RBFOX3: variants seen among roughly 807,000 people sequenced by gnomAD.
RBFOX3 encodes RNA binding fox-1 homolog 3.
Under a neutral mutation model 48.7 loss-of-function variants are expected in RBFOX3, and 17 were observed. That is an observed-to-expected ratio of 0.35 (90% CI 0.24 to 0.52). The LOEUF is 0.52. Among genes scored for constraint, RBFOX3 ranks in the 20% least tolerant of loss-of-function variants. RBFOX3 has a pLI of 0.94. For synonymous variants in RBFOX3, 212 were observed against 209.5 expected (o/e 1.01, Z -0.10); for missense variants, 382 against 497.5 (o/e 0.77, Z 2.21).
chr17:79,582,121 C>T (rs1267645794), intron 1 of RBFOX3, among the ~76,000 whole-genome samples: 7 of 126,362 alleles, frequency 5.5e-5, no homozygotes, highest in Admixed American at 8.4e-5. Flanking sequence ...TGTGCCTGTG[C>T]GTGCCTGTGT....
chr17:79,616,974 A>G, the RBFOX3 span, among the ~76,000 whole-genome samples: 1 of 152,016 alleles, frequency 6.6e-6, no homozygotes, highest in African/African-American at 2.4e-5. Context: ...GCTGGAAGAG[A>G]GGTGTTCGGC....
At chr17:79,430,231 A>C (rs2068165149) in intron 2 of RBFOX3, among the ~76,000 whole-genome samples, 1 of 152,080 alleles carries the variant, frequency 6.6e-6, no homozygotes, top group African/African-American at 2.4e-5. Context: ...AATAGCAAGA[A>C]AAATTCTTAG....
At chr17:79,518,751 G>A (rs1009704640) in intron 1 of RBFOX3, among the ~76,000 whole-genome samples, 1 of 152,384 alleles carries the variant, frequency 6.6e-6, no homozygotes, top group Non-Finnish European at 1.5e-5. Flanking sequence ...ACGGTGCAGA[G>A]TAGGGGTCAA....
chr17:79,415,689 T>A (rs1789747541), intron 2 of RBFOX3, among the ~76,000 whole-genome samples: 3 of 152,120 alleles, frequency 2.0e-5, no homozygotes, highest in Admixed American at 2.0e-4. Flanking sequence ...AGGGAGCAGG[T>A]CCTCGGAGGG....
intron 1 of RBFOX3, among the ~76,000 whole-genome samples, chr17:79,520,355 G>T (rs1315431190): frequency 1.3e-5 from 2 of 152,218 alleles, no homozygotes; most frequent in Non-Finnish European, 2.9e-5. Flanking sequence ...CATCTCCGGG[G>T]ACAGCAGTGA....
intron 2 of RBFOX3, among the ~76,000 whole-genome samples, chr17:79,411,133 C>A (rs1409976260): frequency 6.6e-6 from 1 of 152,210 alleles, no homozygotes; most frequent in East Asian, 1.9e-4. Flanking sequence ...CGGCACCAGG[C>A]GCTGTGCCGA....
At chr17:79,610,456 G>GCCACCA (rs1479793147) in intron 1 of RBFOX3, among the ~76,000 whole-genome samples, 1 of 151,724 alleles carries the variant, frequency 6.6e-6, no homozygotes, top group Admixed American at 6.5e-5. Context: ...CGCCGCCACA[G>GCCACCA]CCACCACCAC....
chr17:79,093,791 C>CACA (rs1555681687), intron 14 of RBFOX3, among the ~76,000 whole-genome samples: 9 of 143,822 alleles, frequency 6.3e-5, no homozygotes, highest in African/African-American at 1.0e-4. Flanking sequence ...CAACAGCTGG[C>CACA]CACACACACA....
chr17:79,366,297 A>C (rs1012471452), intron 2 of RBFOX3, among the ~76,000 whole-genome samples: 6 of 152,214 alleles, frequency 3.9e-5, no homozygotes, highest in Non-Finnish European at 2.9e-5. Flanking sequence ...TTTCTGTATA[A>C]AGAACAGCAG....
chr17:79,225,138 A>C (rs527659000), intron 4 of RBFOX3, among the ~76,000 whole-genome samples: 12 of 152,180 alleles, frequency 7.9e-5, no homozygotes, highest in Non-Finnish European at 1.3e-4. Flanking sequence ...TCTTCAGTGA[A>C]AGGTGACCAG....
At position 79,585,418 on chromosome 17, in the gene RBFOX3, A is replaced by G. The variant is rs1299574727; in HGVS notation, c.-320+25408T>C. ...TAAAAATACGAAAAATGAGCTGGGT[A>G]TGGTTGCAGGAGCCTGTAATCCCAG... On this transcript the variant is annotated intron_variant, in intron 1 of 14. Transcript: ENST00000693108. Among the ~76,000 whole-genome samples the G allele has an allele frequency of 3.3e-5, 5 of 151,938 alleles. No homozygotes were observed. In the South Asian group the frequency reaches 8.4e-4, roughly 25 times the overall value.
At chr17:79,131,988 C>T (rs758636905) in intron 4 of RBFOX3, among the ~76,000 whole-genome samples, 1 of 152,178 alleles carries the variant, frequency 6.6e-6, no homozygotes, top group Non-Finnish European at 1.5e-5. Flanking sequence ...AATGTGGCTC[C>T]ATAAATCCTC....
In RBFOX3 at chr17:79,094,534, G is replaced by A. The variant is rs934728752; in HGVS notation, c.999-5C>T. 8.5e-7 allele frequency: 1 copy of A among 1,174,514 alleles called. No homozygotes were observed. Among genetic ancestry groups the A allele is most frequent in the African/African-American group, 1.7e-5 (1 of 58,126 alleles). 72.8% of individuals were successfully genotyped at this position (1,174,514 alleles called of 1,614,324 possible). Reference sequence around the variant, plus strand: ...GCTGCGTAGACTCTGCCGTAACTAGGGAAGAGCGTGGGAGGGGGAGTGGGA... The same window carrying A: ...GCTGCGTAGACTCTGCCGTAACTAGAGAAGAGCGTGGGAGGGGGAGTGGGA... On this transcript the variant is annotated splice_polypyrimidine_tract_variant and splice_region_variant and intron_variant, in intron 13 of 14. Coordinates refer to ENST00000693108, the MANE Select transcript of RBFOX3 (RefSeq NM_001350451.2).
At chr17:79,375,358 GACACACAC>G (rs534923135) in intron 2 of RBFOX3, among the ~76,000 whole-genome samples, 5,489 of 136,250 alleles carry the variant, frequency 0.04, 343 homozygotes, top group African/African-American at 0.14. Context: ...GAAGACAGAA[GACACACAC>G]ACACACACAC....
In RBFOX3 at chr17:79,198,629, TC is replaced by T. The variant is rs1037822668; in HGVS notation, c.-34+37136del. 2.1e-4 allele frequency among the ~76,000 whole-genome samples: 4 copies of T among 18,994 alleles called. No individual in the cohort carries two copies. The highest frequency in any genetic ancestry group is 4.6e-4 in the African/African-American group (4 of 8,728). 12.5% of individuals were successfully genotyped at this position (18,994 alleles called of 152,430 possible). A position where few individuals can be genotyped will look rare whatever the true frequency, so the allele number is the denominator to read the frequency against. On this transcript the variant is annotated intron_variant, in intron 4 of 14. Coordinates refer to ENST00000693108, the MANE Select transcript of RBFOX3 (RefSeq NM_001350451.2). This position sits in a 1 kb window ranked among gnomAD's most constrained non-coding sequence, Gnocchi z 8.2. The stretch of plus-strand genomic sequence containing the variant: ...TCCCTGCTTTTGAACTTTCTCTCTC[TC>T]TTTTTTTTTTTTTAAGATGGAGTCT...
In RBFOX3 at chr17:79,367,696, G is replaced by A. The variant is rs185853623; in HGVS notation, c.-174-59872C>T. Among the ~76,000 whole-genome samples, 341 of 152,220 alleles carry A rather than the reference G, an allele frequency of 2.2e-3. 6 individuals carry two copies. In the Middle Eastern group the frequency reaches 0.031, roughly 14 times the overall value. ...AAATGGCACTACCATCCACCCCTCC[G>A]GGGAGGACAGGCAAAGGGAGCCACG... On this transcript the variant is annotated intron_variant, in intron 2 of 14. Transcript: ENST00000693108.
intron 2 of RBFOX3, among the ~76,000 whole-genome samples, chr17:79,435,583 C>T (rs565103968): frequency 1.8e-4 from 27 of 152,324 alleles, no homozygotes; most frequent in African/African-American, 6.5e-4. Flanking sequence ...AATGTGTCAA[C>T]AGGAGGAAAT....
intron 4 of RBFOX3, among the ~76,000 whole-genome samples, chr17:79,119,280 G>A (rs1336236633): frequency 6.6e-6 from 1 of 152,194 alleles, no homozygotes; most frequent in East Asian, 1.9e-4. Context: ...GACATTTTAG[G>A]GACATTTGTG....
chr17:79,521,393 TACAC>T (rs1445338033), intron 1 of RBFOX3, among the ~76,000 whole-genome samples: 3 of 150,948 alleles, frequency 2.0e-5, no homozygotes, highest in East Asian at 3.9e-4. Flanking sequence ...CAAACTCACA[TACAC>T]AGACACACAC....
Sources: allele counts gnomAD v4.1 joint callset (sites outside exome capture counted in the v4.1 genomes callset), GRCh38; gene constraint gnomAD v4.1.1; non-coding constraint Gnocchi (gnomAD v3.1); transcripts MANE v1.5; gene names NCBI Gene and HGNC (gene_info 2026-07-23, HGNC 2026-07-21).